PLA2G6: variants seen among roughly 807,000 people sequenced by gnomAD.
PLA2G6 encodes phospholipase A2 group VI.
PLA2G6 carries 62 observed loss-of-function variants against 83.8 expected under a neutral mutation model. The observed-to-expected ratio is 0.74, with a 90% CI of 0.60 to 0.91. The LOEUF is 0.91. Among genes scored for constraint, PLA2G6 ranks in the 40% least tolerant of loss-of-function variants. PLA2G6 has a pLI of 0.00. For missense variants in PLA2G6, 944 were observed against 1,102.0 expected, an observed-to-expected ratio of 0.86 and a Z score of 2.03; for synonymous variants, 417 against 449.8, an observed-to-expected ratio of 0.93 and a Z score of 0.92.
At chr22:38,146,470 C>T (rs1175056426) in intron 2 of PLA2G6, 3 of 152,140 alleles carry the variant, frequency 2.0e-5, no homozygotes, top group Admixed American at 2.0e-4. Flanking sequence ...AGGTGTGAGC[C>T]ACTATGCTTG....
At position 38,181,716 on chromosome 22, in the gene PLA2G6, G is replaced by C. The variant is rs11570598; in HGVS notation, c.-98C>G. On this transcript the variant is annotated 5_prime_UTR_variant, in exon 1 of 17. Coordinates refer to ENST00000332509, the MANE Select transcript of PLA2G6 (RefSeq NM_003560.4). ...CAAAGGAGGGTCCGGCGGAGACTTG[G>C]GAGTCCGGAGCGCCGAGGAAGTTGG... is the stretch of plus-strand genomic sequence containing the variant. 1 of 152,272 alleles carries C rather than the reference G, an allele frequency of 6.6e-6. No individual in the cohort carries two copies. The highest frequency in any genetic ancestry group is 1.5e-5 in the Non-Finnish European group (1 of 68,080). 9.4% of individuals were successfully genotyped at this position (152,272 alleles called of 1,614,324 possible). A position where few individuals can be genotyped will look rare whatever the true frequency, so the allele number is the denominator to read the frequency against.
chr22:38,133,171 G>C (rs867581660), intron 6 of PLA2G6, 158 bp from the exon 7 acceptor site: 2 of 711,868 alleles, frequency 2.8e-6, no homozygotes, highest in Middle Eastern at 3.8e-4. Context: ...CCAGTTCTAG[G>C]GGGGCCTAGA....
At position 38,126,420 on chromosome 22, in the gene PLA2G6, C is replaced by T. The variant is rs752260146; in HGVS notation, c.1378G>A (p.Ala460Thr). 3 of 1,613,476 alleles carry T rather than the reference C, an allele frequency of 1.9e-6. No homozygotes were observed. The highest frequency in any genetic ancestry group is 1.7e-6 in the Non-Finnish European group (2 of 1,179,890). ...ELQDLMHISR[A>T]RKPAFILGSM... ...CCCAGGATGAACGCTGGCTTCCGGG[C>T]CCGTGAGATGTGCATGAGATCCTGT... The change falls in exon 10 of 17, where the codon GCC (alanine) becomes ACC (threonine). Residue 460 changes from alanine (A) to threonine (T), a missense_variant. Physicochemically the swap from Ala to Thr is moderately conservative, Grantham distance 58. Coordinates refer to ENST00000332509, the MANE Select transcript of PLA2G6 (RefSeq NM_003560.4).
At chr22:38,177,006 C>T (rs1205057240) in intron 1 of PLA2G6, among the ~76,000 whole-genome samples, 1 of 148,402 alleles carries the variant, frequency 6.7e-6, no homozygotes, top group East Asian at 2.0e-4. Context: ...GATCATGCCA[C>T]TGCACTAAAG....
At chr22:38,180,066 C>T (rs943665822) in intron 1 of PLA2G6, among the ~76,000 whole-genome samples, 3 of 151,916 alleles carry the variant, frequency 2.0e-5, no homozygotes, top group Non-Finnish European at 4.4e-5. Flanking sequence ...AAGTTTGTAA[C>T]ACACTCTTCA....
chr22:38,127,240 C>T lies in PLA2G6; in HGVS notation c.1349-791G>A, dbSNP rs569262025. The T allele has an allele frequency of 6.5e-4, 797 of 1,218,318 alleles. 5 individuals carry two copies. In the African/African-American group the frequency reaches 0.012, roughly 18 times the overall value. 75.5% of individuals were successfully genotyped at this position (1,218,318 alleles called of 1,614,324 possible). A position where few individuals can be genotyped will look rare whatever the true frequency, so the allele number is the denominator to read the frequency against. ...TCCCCCTCCCCAGGGCACACGGCTC[C>T]ACAGTGAACAAGGGAAGCAGAAGAG... On this transcript the variant is annotated intron_variant, in intron 9 of 16. Coordinates refer to ENST00000332509, the MANE Select transcript of PLA2G6 (RefSeq NM_003560.4).
At chr22:38,169,493 G>C in intron 1 of PLA2G6, 22 bp from the exon 2 acceptor site, 2 of 1,388,482 alleles carry the variant, frequency 1.4e-6, no homozygotes, top group Non-Finnish European at 2.0e-6. Flanking sequence ...CGAGGTCTCT[G>C]GTCAGCCAGG....
At chr22:38,146,732 T>A (rs772386909) in intron 2 of PLA2G6, 1 of 151,904 alleles carries the variant, frequency 6.6e-6, no homozygotes, top group African/African-American at 2.4e-5. Flanking sequence ...TATGCAGTCA[T>A]TAAAATGAGA....
At chr22:38,131,054 T>C (rs1313769267) in intron 7 of PLA2G6, 1 of 152,150 alleles carries the variant, frequency 6.6e-6, no homozygotes, top group Non-Finnish European at 1.5e-5. Flanking sequence ...AGTACATAAT[T>C]GTAAAGGTGG....
At chr22:38,157,637 C>G (rs1298572424) in intron 2 of PLA2G6, among the ~76,000 whole-genome samples, 1 of 152,120 alleles carries the variant, frequency 6.6e-6, no homozygotes, top group Non-Finnish European at 1.5e-5. Flanking sequence ...CAAAACCAGA[C>G]AAAGACATAT....
Position 38,169,202 on chromosome 22 carries a change from G to A in PLA2G6, c.209+16C>T, listed in dbSNP as rs2267368. ...AGTGAAAGGAGAGAAGTATGTTCCC[G>A]CTGAGCATCACCCACCGGAATCCAC... On this transcript the variant is annotated intron_variant, in intron 2 of 16. Transcript: ENST00000332509. The A allele has an allele frequency of 0.033, 52,514 of 1,595,524 alleles. 2,566 individuals carry two copies. Among genetic ancestry groups the A allele is most frequent in the African/African-American group, 0.21 (15,541 of 74,460 alleles).
chr22:38,139,011 A>G (rs181398441), intron 5 of PLA2G6: 11 of 152,108 alleles, frequency 7.2e-5, no homozygotes, highest in Admixed American at 7.2e-4. Context: ...TTATCTTTTT[A>G]TCTCATCCCC....
intron 3 of PLA2G6, 27 bp downstream of exon 3, chr22:38,145,411 T>A: frequency 6.4e-7 from 1 of 1,565,688 alleles, no homozygotes; most frequent in Non-Finnish European, 8.7e-7. Context: ...ACACACGTTG[T>A]CCAAATGGTC....
chr22:38,137,819 G>C (rs2088648512), intron 5 of PLA2G6: 1 of 152,342 alleles, frequency 6.6e-6, no homozygotes, highest in African/African-American at 2.4e-5. Context: ...GGGTGACAGA[G>C]TGAAACTCTG....
At chr22:38,144,946 C>A in intron 3 of PLA2G6, 1 of 346,838 alleles carries the variant, frequency 2.9e-6, no homozygotes, top group East Asian at 1.0e-4. Context: ...AATCAGCTCC[C>A]ACAGACCTGG....
chr22:38,155,395 T>C (rs1292264558), intron 2 of PLA2G6, among the ~76,000 whole-genome samples: 3 of 152,080 alleles, frequency 2.0e-5, no homozygotes, highest in South Asian at 4.1e-4. Context: ...CACAGAAACA[T>C]ATAGAATATT....
intron 2 of PLA2G6, chr22:38,163,331 AGT>A (rs2090091059): frequency 6.1e-6 from 1 of 164,278 alleles, no homozygotes; most frequent in Non-Finnish European, 1.5e-5. Context: ...CAGCCACCCC[AGT>A]GGAGCCTTTC....
intron 7 of PLA2G6, 127 bp from the exon 8 acceptor site, chr22:38,129,689 G>T (rs965086820): frequency 2.7e-6 from 2 of 728,212 alleles, no homozygotes; most frequent in African/African-American, 3.5e-5. Flanking sequence ...GGGAGACACT[G>T]GAACCCTCCT....
rs762533381 is a variant in PLA2G6, at chr22:38,116,128, C to G, written c.1826G>C (p.Arg609Pro). The change falls in exon 13 of 17, where the codon CGG becomes CCG. Residue 609 changes from arginine (R) to proline (P), a missense_variant. Physicochemically the swap from Arg to Pro is moderately radical, Grantham distance 103. Transcript: ENST00000332509. ...AACGTTCTGGTTGAAACGAGGCTCC[C>G]GGACAGTTTCTGGAGCATCGTAGTT... ...FRNYDAPETV[R>P]EPRFNQNVNL... 6.2e-7 allele frequency: 1 copy of G among 1,613,990 alleles called. No homozygotes were observed. The highest frequency in any genetic ancestry group is 1.7e-5 in the Admixed American group (1 of 60,022).
Sources: gnomAD v4.1 joint callset for allele counts (sites outside exome capture counted in the v4.1 genomes callset) on GRCh38, gnomAD v4.1.1 for gene constraint, MANE v1.5 for transcripts, NCBI Gene and HGNC (gene_info 2026-07-23, HGNC 2026-07-21) for gene names.